KLHDC2: variants seen among roughly 807,000 people sequenced by gnomAD.
KLHDC2 encodes the protein kelch domain containing 2, also known as kelch domain-containing protein 2.
KLHDC2 carries 38 observed loss-of-function variants against 62.3 expected under a neutral mutation model. That is an observed-to-expected ratio of 0.61 (90% CI 0.47 to 0.80). KLHDC2 has a LOEUF of 0.80. KLHDC2 is among the 30% of genes least tolerant of loss of function. The pLI, the probability that KLHDC2 is intolerant of heterozygous loss-of-function variation, is 0.00. For synonymous variants in KLHDC2, 159 were observed against 161.0 expected (o/e 0.99, Z 0.09); for missense variants, 430 against 495.3 (o/e 0.87, Z 1.25).
At chr14:49,780,381 G>A (rs1336547766) in intron 9 of KLHDC2, 59 bp downstream of exon 9, 2 of 1,133,746 alleles carry the variant, frequency 1.8e-6, no homozygotes, top group Non-Finnish European at 2.7e-6. Flanking sequence ...TCTAATAGCT[G>A]AAAATGAGTC....
Position 49,771,656 on chromosome 14 carries a change from C to A in KLHDC2, c.216C>A (p.Asn72Lys). The part of the protein sequence containing the change: ...YLPREELWIY[N>K]METGRWKKIN... ...CTAGAGAAGAACTATGGATCTACAA[C>A]ATGGAGACTGGAAGATGGTAAATGT... The change falls in exon 2 of 13, where the codon AAC (asparagine) becomes AAA (lysine). Residue 72 changes from asparagine (N) to lysine (K), a missense_variant. By Grantham distance (94) the Asn-to-Lys change is moderately conservative. Transcript: ENST00000298307. 1.3e-6 allele frequency: 2 copies of A among 1,509,942 alleles called. No homozygotes were observed. The highest frequency in any genetic ancestry group is 1.1e-5 in the South Asian group (1 of 88,926). The allele number at this position is 1,509,942 out of a possible 1,614,324, so 93.5% of individuals were successfully genotyped here.
chr14:49,779,595 G>C lies in KLHDC2; in HGVS notation c.634G>C (p.Gly212Arg). ...TFTWSQPITT[G>R]KAPSPRAAHA... The stretch of plus-strand genomic sequence containing the variant: ...TAACTTGCTTATGTGCCTCTAATAG[G>C]GTAAAGCACCTTCACCTCGTGCTGC... The change falls in exon 7 of 13, where the codon GGT becomes CGT. Residue 212 changes from glycine (G) to arginine (R), a missense_variant and splice_region_variant. Gly to Arg is a moderately radical substitution (Grantham distance 125). Transcript: ENST00000298307. The C allele has an allele frequency of 6.2e-7, 1 of 1,613,570 alleles. No homozygotes were observed. The highest frequency in any genetic ancestry group is 1.1e-5 in the South Asian group (1 of 91,020).
At chr14:49,769,459 T>C (rs1594697115) in intron 1 of KLHDC2, among the ~76,000 whole-genome samples, 1 of 152,214 alleles carries the variant, frequency 6.6e-6, no homozygotes, top group African/African-American at 2.4e-5. Flanking sequence ...GTGCCTTGGA[T>C]GACTTGCTTT....
At chr14:49,770,566 G>A (rs1480965324) in intron 1 of KLHDC2, among the ~76,000 whole-genome samples, 1 of 152,212 alleles carries the variant, frequency 6.6e-6, no homozygotes, top group African/African-American at 2.4e-5. Flanking sequence ...GAGGGTCAAA[G>A]GCTGGGAATG....
In KLHDC2 at chr14:49,768,453, A is replaced by T. The variant is rs1031933554; in HGVS notation, c.-16A>T. The T allele has an allele frequency of 6.2e-7, 1 of 1,605,418 alleles. No individual in the cohort carries two copies. Among genetic ancestry groups the T allele is most frequent in the Admixed American group, 1.7e-5 (1 of 59,026 alleles). ...CGGGTGTGGGCATTGTTGGTTAGCA[A>T]AAGTGCAGCCTCAAGATGGCTGATG... On this transcript the variant is annotated 5_prime_UTR_variant, in exon 1 of 13. Coordinates refer to ENST00000298307, the MANE Select transcript of KLHDC2 (RefSeq NM_014315.3).
rs76820208 is a variant in KLHDC2 at position 49,780,366 on chromosome 14, C to A, written c.883+44C>A. On this transcript the variant is annotated intron_variant, in intron 9 of 12. Transcript: ENST00000298307. The stretch of plus-strand genomic sequence containing the variant: ...TGATAATGAAATCATCATATATCAT[C>A]CATATCTAATAGCTGAAAATGAGTC... 1,534 of 1,226,454 alleles carry A rather than the reference C, an allele frequency of 1.3e-3. 30 individuals carry two copies. The East Asian group carries it at 0.034, about 27-fold the overall frequency. 76.0% of individuals were successfully genotyped at this position (1,226,454 alleles called of 1,614,324 possible).
At chr14:49,778,345 A>G in intron 5 of KLHDC2, 66 bp from the exon 6 acceptor site, 4 of 1,335,480 alleles carry the variant, frequency 3.0e-6, no homozygotes, top group Non-Finnish European at 4.2e-6. Context: ...TTCTTTGGTA[A>G]TCAGGCAGGC....
chr14:49,771,224 G>T (rs974340606), intron 1 of KLHDC2, among the ~76,000 whole-genome samples: 1 of 151,762 alleles, frequency 6.6e-6, no homozygotes, highest in Non-Finnish European at 1.5e-5. Flanking sequence ...TGGCGAGTGC[G>T]TGCAGTCCCA....
chr14:49,780,479 A>G (rs1046721856), intron 9 of KLHDC2, 157 bp downstream of exon 9: 1 of 650,004 alleles, frequency 1.5e-6, no homozygotes, highest in African/African-American at 1.8e-5. Context: ...ATTGTACTAT[A>G]TGGCATACTT....
In KLHDC2 at chr14:49,783,774, A is replaced by C. The variant is rs1393111600; in HGVS notation, c.*821A>C. 6.6e-6 allele frequency: 1 copy of C among 152,146 alleles called. No homozygotes were observed. Among genetic ancestry groups the C allele is most frequent in the Admixed American group, 6.5e-5 (1 of 15,270 alleles). 9.4% of individuals were successfully genotyped at this position (152,146 alleles called of 1,614,324 possible). On this transcript the variant is annotated 3_prime_UTR_variant, in exon 13 of 13. Transcript: ENST00000298307. ...ATTACAAGGAAAAAATTAAGATCAAACCTGAAGGTCTACAAATGAATAGAA... is the reference window on the plus strand; with the variant it reads ...ATTACAAGGAAAAAATTAAGATCAACCCTGAAGGTCTACAAATGAATAGAA...
chr14:49,778,307 T>G (rs1889814977), intron 5 of KLHDC2, 48 bp downstream of exon 5: 1 of 1,370,742 alleles, frequency 7.3e-7, no homozygotes. Flanking sequence ...TATGTTGAAA[T>G]AATACATTTT....
In KLHDC2 at chr14:49,784,487, CAAG is replaced by C. The variant is rs904059226; in HGVS notation, c.*1538_*1540del. The stretch of plus-strand genomic sequence containing the variant: ...TCCTCTATATAAAACTGGGAAAAAA[CAAG>C]AAGTAAGTCCTTTTGGTGAATATAG... On this transcript the variant is annotated 3_prime_UTR_variant, in exon 13 of 13. Coordinates refer to ENST00000298307, the MANE Select transcript of KLHDC2 (RefSeq NM_014315.3). The C allele has an allele frequency of 6.8e-6, 4 of 591,990 alleles. No homozygotes were observed. In the African/African-American group the frequency reaches 7.5e-5, roughly 11 times the overall value. 36.7% of individuals were successfully genotyped at this position (591,990 alleles called of 1,614,324 possible). A position where few individuals can be genotyped will look rare whatever the true frequency, so the allele number is the denominator to read the frequency against.
intron 2 of KLHDC2, among the ~76,000 whole-genome samples, chr14:49,773,571 T>A (rs1207477553): frequency 7.1e-4 from 1 of 1,404 alleles, no homozygotes; most frequent in Non-Finnish European, 0.042. Flanking sequence ...AAATAATAAC[T>A]TTTTTTTTTT....
Position 49,783,024 on chromosome 14 carries a change from T to C in KLHDC2, c.*71T>C. ...CTGTAAACATCACAGAGTGGCATCA[T>C]TTGTATAATTATATGCATTGTTGTA... is the stretch of plus-strand genomic sequence containing the variant. On this transcript the variant is annotated 3_prime_UTR_variant, in exon 13 of 13. Transcript: ENST00000298307. The C allele has an allele frequency of 6.7e-7, 1 of 1,500,638 alleles. No homozygotes were observed. The highest frequency in any genetic ancestry group is 9.1e-7 in the Non-Finnish European group (1 of 1,100,926). The allele number at this position is 1,500,638 out of a possible 1,614,324, so 93.0% of individuals were successfully genotyped here.
Position 49,784,989 on chromosome 14 carries a change from A to G in KLHDC2, c.*2036A>G. 6.2e-7 allele frequency: 1 copy of G among 1,613,916 alleles called. No homozygotes were observed. Among genetic ancestry groups the G allele is most frequent in the Non-Finnish European group, 8.5e-7 (1 of 1,179,872 alleles). ...TTCTTTGGAATGCATGAAACTATTC[A>G]AGGCTGTTTTTGCAGCTGTAAATAC... On this transcript the variant is annotated 3_prime_UTR_variant, in exon 13 of 13. Transcript: ENST00000298307.
rs781034209 is a variant in KLHDC2, at chr14:49,771,589, C to G, written c.154-5C>G. On this transcript the variant is annotated splice_region_variant and splice_polypyrimidine_tract_variant and intron_variant, in intron 1 of 12. Transcript: ENST00000298307. ...TTTTATATTTACAATTTTTTTTATT[C>G]TTAGAGTAATCAAGTCAGAGGATTA... The G allele has an allele frequency of 3.8e-6, 5 of 1,320,528 alleles. No homozygotes were observed. The South Asian group carries it at 6.1e-5, about 16-fold the overall frequency. 81.8% of individuals were successfully genotyped at this position (1,320,528 alleles called of 1,614,324 possible). A position where few individuals can be genotyped will look rare whatever the true frequency, so the allele number is the denominator to read the frequency against.
intron 8 of KLHDC2, 118 bp downstream of exon 8, chr14:49,779,924 A>ATAAT (rs1889853249): frequency 8.2e-6 from 6 of 729,272 alleles, no homozygotes; most frequent in Non-Finnish European, 1.4e-5. Flanking sequence ...TTAAATAAAC[A>ATAAT]TAATTACTAG....
Position 49,784,564 on chromosome 14 carries a change from G to A in KLHDC2, c.*1611G>A, listed in dbSNP as rs139842425. On this transcript the variant is annotated 3_prime_UTR_variant, in exon 13 of 13. Coordinates refer to ENST00000298307, the MANE Select transcript of KLHDC2 (RefSeq NM_014315.3). ...TATAATGCGGAAATCCTGATACATG[G>A]TGCTTTCATCTTTGAACTTCCAAAA... is the stretch of plus-strand genomic sequence containing the variant. 1.0e-6 allele frequency: 1 copy of A among 999,420 alleles called. No individual in the cohort carries two copies. Among genetic ancestry groups the A allele is most frequent in the Admixed American group, 2.1e-5 (1 of 48,062 alleles). The allele number at this position is 999,420 out of a possible 1,614,324, so 61.9% of individuals were successfully genotyped here. A position where few individuals can be genotyped will look rare whatever the true frequency, so the allele number is the denominator to read the frequency against.
At position 49,779,761 on chromosome 14, in the gene KLHDC2, A is replaced by G; in HGVS notation, c.728A>G (p.Asn243Ser). The G allele has an allele frequency of 6.2e-7, 1 of 1,610,034 alleles. No individual in the cohort carries two copies. The highest frequency in any genetic ancestry group is 1.1e-5 in the South Asian group (1 of 90,978). ...FGGRYRDARM[N>S]DLHYLNLDTW... ...ATCCTTTTTTAGGATGCTAGAATGA[A>G]TGATCTTCACTATCTTAATCTGGAT... Residue 243 changes from asparagine (N) to serine (S), a missense_variant, in exon 8 of 13, where the codon AAT (asparagine) becomes AGT (serine). Asn to Ser is a conservative substitution (Grantham distance 46). Transcript: ENST00000298307.
Sources: allele counts gnomAD v4.1 joint callset (sites outside exome capture counted in the v4.1 genomes callset), GRCh38; gene constraint gnomAD v4.1.1; transcripts MANE v1.5; gene names NCBI Gene and HGNC (gene_info 2026-07-23, HGNC 2026-07-21).